The following MAP4K4 variants were observed in gnomAD, a reference collection of about 807,000 sequenced individuals.
MAP4K4 encodes HPK/GCK-like kinase HGK.
MAP4K4 carries 38 observed loss-of-function variants against 189.6 expected under a neutral mutation model. The observed-to-expected ratio is 0.20, with a 90% CI of 0.15 to 0.26. The LOEUF (loss-of-function observed/expected upper bound fraction) is 0.26, where lower values mean the gene tolerates loss of function less well. MAP4K4 is among the 10% of genes least tolerant of loss of function. MAP4K4 has a pLI of 1.00. For synonymous variants in MAP4K4, 610 were observed against 624.3 expected (o/e 0.98, Z 0.34); for missense variants, 1,054 against 1,726.9 (o/e 0.61, Z 6.91).
At chr2:101,822,285 A>G (rs574370782) in intron 3 of MAP4K4, among the ~76,000 whole-genome samples, 10 of 152,296 alleles carry the variant, frequency 6.6e-5, no homozygotes, top group African/African-American at 1.2e-4. Context: ...ACCACAAACA[A>G]TGTCACTAGG....
chr2:101,795,046 C>T (rs2093532067), intron 3 of MAP4K4, among the ~76,000 whole-genome samples: 1 of 152,278 alleles, frequency 6.6e-6, no homozygotes, highest in South Asian at 2.1e-4. Flanking sequence ...CATATTGCCT[C>T]ACGTCAGGGA....
At chr2:101,868,911 G>T (rs184679320) in intron 21 of MAP4K4, among the ~76,000 whole-genome samples, 3 of 152,008 alleles carry the variant, frequency 2.0e-5, no homozygotes, top group African/African-American at 7.2e-5. Flanking sequence ...TTGAGCTTTG[G>T]TGTAAAGACA....
At position 101,749,980 on chromosome 2, in the gene MAP4K4, G is replaced by C. The variant is rs1235335904; in HGVS notation, c.124-40740G>C. Among the ~76,000 whole-genome samples, 10 of 140,822 alleles carry C rather than the reference G, an allele frequency of 7.1e-5. 1 individual carries two copies. In the South Asian group the frequency reaches 2.2e-3, roughly 31 times the overall value. 92.4% of individuals were successfully genotyped at this position (140,822 alleles called of 152,430 possible). On this transcript the variant is annotated intron_variant, in intron 2 of 32. Transcript: ENST00000324219. ...ATGAGATACCATCTCACACCAGTTA[G>C]AATGGCAATCATTAAAAAGTCTGGA...
intron 12 of MAP4K4, among the ~76,000 whole-genome samples, chr2:101,850,135 A>G (rs1297941966): frequency 6.6e-6 from 1 of 152,210 alleles, no homozygotes; most frequent in Non-Finnish European, 1.5e-5. Context: ...TGTGAGCATC[A>G]GCAGTTTCTT....
intron 2 of MAP4K4, among the ~76,000 whole-genome samples, chr2:101,781,303 A>G (rs993323011): frequency 7.9e-5 from 12 of 151,120 alleles, no homozygotes; most frequent in African/African-American, 2.4e-4. Context: ...TGTCTCTAAA[A>G]CTCTTCTGCC....
chr2:101,874,797 T>A (rs2098151736), intron 26 of MAP4K4, among the ~76,000 whole-genome samples: 1 of 152,246 alleles, frequency 6.6e-6, no homozygotes, highest in African/African-American at 2.4e-5. Flanking sequence ...TATACAACTG[T>A]ACAATTATAC....
intron 2 of MAP4K4, among the ~76,000 whole-genome samples, chr2:101,760,038 G>C (rs182264936): frequency 3.1e-3 from 473 of 151,942 alleles, no homozygotes; most frequent in Non-Finnish European, 5.6e-3. Context: ...TAGAGATGGG[G>C]TTTCACTATG....
chr2:101,864,220 T>C (rs1056118742), intron 17 of MAP4K4, among the ~76,000 whole-genome samples, 169 bp downstream of exon 17: 1 of 152,228 alleles, frequency 6.6e-6, no homozygotes, highest in Non-Finnish European at 1.5e-5. Context: ...TAGGCAATTC[T>C]GTTTAGCCAG....
chr2:101,742,876 G>C (rs2063480169), intron 2 of MAP4K4, among the ~76,000 whole-genome samples: 1 of 152,198 alleles, frequency 6.6e-6, no homozygotes, highest in Non-Finnish European at 1.5e-5. Context: ...AAGCATGTCA[G>C]TTATAGTTTA....
At chr2:101,879,632 G>T (rs976975579) in intron 27 of MAP4K4, among the ~76,000 whole-genome samples, 1 of 152,212 alleles carries the variant, frequency 6.6e-6, no homozygotes, top group African/African-American at 2.4e-5. Flanking sequence ...GCTGTCACAT[G>T]CAGAATCCAT....
intron 2 of MAP4K4, among the ~76,000 whole-genome samples, chr2:101,760,041 T>C (rs547732815): frequency 3.9e-5 from 6 of 152,040 alleles, no homozygotes; most frequent in Non-Finnish European, 8.8e-5. Flanking sequence ...AGATGGGGTT[T>C]CACTATGTTG....
chr2:101,791,024 T>A (rs1445226369), intron 3 of MAP4K4, among the ~76,000 whole-genome samples: 1 of 152,092 alleles, frequency 6.6e-6, no homozygotes, highest in Admixed American at 6.6e-5. Flanking sequence ...AGTGATGTCA[T>A]CCTTGGCAAC....
chr2:101,783,000 C>A (rs752214155), intron 2 of MAP4K4, among the ~76,000 whole-genome samples: 4 of 152,020 alleles, frequency 2.6e-5, no homozygotes, highest in Non-Finnish European at 5.9e-5. Flanking sequence ...TGTACTCATG[C>A]CATTCAGCTC....
At chr2:101,815,910 G>T (rs543741899) in intron 3 of MAP4K4, among the ~76,000 whole-genome samples, 29 of 152,226 alleles carry the variant, frequency 1.9e-4, no homozygotes, top group Admixed American at 7.2e-4. Context: ...GTTTCCGCAC[G>T]GGGACGTGTT....
At chr2:101,865,207 A>C (rs114976209) in intron 18 of MAP4K4, among the ~76,000 whole-genome samples, 171 bp downstream of exon 18, 24 of 152,354 alleles carry the variant, frequency 1.6e-4, no homozygotes, top group African/African-American at 5.5e-4. Flanking sequence ...CATCAAGTTG[A>C]TGTGTAGTAA....
chr2:101,886,666 T>C (rs1253689361), intron 29 of MAP4K4, among the ~76,000 whole-genome samples: 2 of 152,190 alleles, frequency 1.3e-5, no homozygotes, highest in Non-Finnish European at 2.9e-5. Flanking sequence ...TGTAGAGTAT[T>C]GTTGCCTTAC....
intron 2 of MAP4K4, among the ~76,000 whole-genome samples, chr2:101,744,644 C>T (rs1180387627): frequency 6.6e-6 from 1 of 151,940 alleles, no homozygotes; most frequent in Non-Finnish European, 1.5e-5. Context: ...ACTGGCAGGT[C>T]CTAGGCGAGT....
chr2:101,752,856 A>G (rs2150003471), intron 2 of MAP4K4, among the ~76,000 whole-genome samples: 1 of 152,166 alleles, frequency 6.6e-6, no homozygotes, highest in East Asian at 1.9e-4. Context: ...TGTGTATGAA[A>G]CCGTGTCAGG....
In MAP4K4 at chr2:101,882,547, C is replaced by T. The variant is rs752543164; in HGVS notation, c.3386-4C>T. On this transcript the variant is annotated splice_polypyrimidine_tract_variant and splice_region_variant and intron_variant, in intron 27 of 32. Coordinates refer to ENST00000324219, the Ensembl canonical transcript of MAP4K4. The stretch of plus-strand genomic sequence containing the variant: ...ATGTAAAATATTTATATTTATTTTG[C>T]TAGGCAAAAAGGATAAGTTACGTGT... 6.4e-7 allele frequency: 1 copy of T among 1,572,818 alleles called. No homozygotes were observed. Among genetic ancestry groups the T allele is most frequent in the Non-Finnish European group, 8.6e-7 (1 of 1,164,838 alleles).
Sources: allele counts gnomAD v4.1 joint callset (sites outside exome capture counted in the v4.1 genomes callset), GRCh38; gene constraint gnomAD v4.1.1; transcripts MANE v1.5; gene names NCBI Gene and HGNC (gene_info 2026-07-23, HGNC 2026-07-21).